Variants in CD58 observed in about 807,000 individuals in gnomAD.
CD58 encodes lymphocyte function-associated antigen 3.
Under a neutral mutation model 27.6 loss-of-function variants are expected in CD58, and 14 were observed. The observed-to-expected ratio is 0.51, with a 90% CI of 0.34 to 0.79. The LOEUF (loss-of-function observed/expected upper bound fraction) is 0.79. Among genes scored for constraint, CD58 ranks in the 30% least tolerant of loss-of-function variants. CD58 has a pLI of 0.02. For missense variants in CD58, 268 were observed against 301.7 expected (o/e 0.89, Z 0.83); for synonymous variants, 117 against 103.8 (o/e 1.13, Z -0.77).
intron 3 of CD58, among the ~76,000 whole-genome samples, chr1:116,530,833 T>C (rs1657580133): frequency 6.6e-6 from 1 of 152,170 alleles, no homozygotes; most frequent in African/African-American, 2.4e-5. Flanking sequence ...ATTAAGATCA[T>C]TAAGTTCAGC....
intron 1 of CD58, among the ~76,000 whole-genome samples, chr1:116,566,917 T>C (rs904996408): frequency 6.6e-6 from 1 of 151,648 alleles, no homozygotes; most frequent in African/African-American, 2.4e-5. Flanking sequence ...CTTGGGAGGA[T>C]TGCTTGAGCC....
Position 116,516,403 on chromosome 1 carries a change from A to C in CD58, c.744-1581T>G, listed in dbSNP as rs918502903. ...CCTAGAATGCCACCTTAGAGAGGTC[A>C]GTGTTACCTTTCTAGACTCATCATT... On this transcript the variant is annotated intron_variant, in intron 5 of 5. Coordinates refer to ENST00000369489, the MANE Select transcript of CD58 (RefSeq NM_001779.3). This position sits in a 1 kb window ranked among gnomAD's most constrained non-coding sequence, Gnocchi z 6.1. 6.6e-6 allele frequency among the ~76,000 whole-genome samples: 1 copy of C among 152,210 alleles called. No individual in the cohort carries two copies. Among genetic ancestry groups the C allele is most frequent in the African/African-American group, 2.4e-5 (1 of 41,456 alleles).
intron 3 of CD58, among the ~76,000 whole-genome samples, chr1:116,529,499 C>T (rs1657529469): frequency 6.6e-6 from 1 of 152,188 alleles, no homozygotes; most frequent in South Asian, 2.1e-4. Context: ...CATCTTCTTA[C>T]TTTTACTTCC....
chr1:116,554,347 A>T lies in CD58; in HGVS notation c.71-9743T>A, dbSNP rs1016187983. Among the ~76,000 whole-genome samples the T allele has an allele frequency of 3.3e-5, 5 of 152,244 alleles. No homozygotes were observed. The Middle Eastern group carries it at 0.01, about 311-fold the overall frequency. ...TTTGGAAAATTTCTTAATATTAAAA[A>T]TAAAAAGTTATAGAAATATATATGC... On this transcript the variant is annotated intron_variant, in intron 1 of 5. Coordinates refer to ENST00000369489, the MANE Select transcript of CD58 (RefSeq NM_001779.3).
chr1:116,568,171 T>A (rs1334858490), intron 1 of CD58, among the ~76,000 whole-genome samples: 4 of 151,946 alleles, frequency 2.6e-5, no homozygotes, highest in Non-Finnish European at 4.4e-5. Context: ...CAGGAAACAG[T>A]ATTGTATCAA....
intron 2 of CD58, among the ~76,000 whole-genome samples, chr1:116,543,113 C>A (rs911332009): frequency 6.6e-6 from 1 of 152,144 alleles, no homozygotes; most frequent in Non-Finnish European, 1.5e-5. Flanking sequence ...GGCAAAGCAG[C>A]GGACTTAATC....
At chr1:116,533,092 G>A in intron 3 of CD58, 1 of 743,190 alleles carries the variant, frequency 1.3e-6, no homozygotes, top group African/African-American at 1.7e-5. Flanking sequence ...CCCCAGCGAA[G>A]TACAGCACAG....
Position 116,527,002 on chromosome 1 carries a change from T to C in CD58, c.629-5019A>G, listed in dbSNP as rs1443293129. Among the ~76,000 whole-genome samples the C allele has an allele frequency of 6.6e-6, 1 of 152,068 alleles. No individual in the cohort carries two copies. Among genetic ancestry groups the C allele is most frequent in the Non-Finnish European group, 1.5e-5 (1 of 67,990 alleles). On this transcript the variant is annotated intron_variant, in intron 3 of 5. Coordinates refer to ENST00000369489, the MANE Select transcript of CD58 (RefSeq NM_001779.3). The surrounding 1 kb of genome is among the most constrained non-coding windows in gnomAD (Gnocchi z 4.4). The stretch of plus-strand genomic sequence containing the variant: ...CTTGTTCATTGCTGTTATAGAAAAG[T>C]GATTGACTTTTGTATATTAACTTTG...
chr1:116,521,711 A>G lies in CD58; in HGVS notation c.706+195T>C, dbSNP rs1214088029. On this transcript the variant is annotated intron_variant, in intron 4 of 5. Coordinates refer to ENST00000369489, the MANE Select transcript of CD58 (RefSeq NM_001779.3). The surrounding 1 kb of genome is among the most constrained non-coding windows in gnomAD (Gnocchi z 5.6). ...AAAGCTCTCTGTGGCCTAAGGATTC[A>G]TTCTACCTTGAGATAATGTGGATCT... The G allele has an allele frequency of 7.9e-6, 4 of 508,804 alleles. No homozygotes were observed. The highest frequency in any genetic ancestry group is 3.3e-5 in the Admixed American group (1 of 29,906). 31.5% of individuals were successfully genotyped at this position (508,804 alleles called of 1,614,324 possible).
rs1657361946 is a variant in CD58 at position 116,524,318 on chromosome 1, G to T, written c.629-2335C>A. Among the ~76,000 whole-genome samples the T allele has an allele frequency of 6.6e-6, 1 of 152,114 alleles. No homozygotes were observed. The highest frequency in any genetic ancestry group is 1.5e-5 in the Non-Finnish European group (1 of 68,018). ...CGGGTGCTGAAACTGGGAAGTCTGG[G>T]CACACCAGGTAACACTGGTCACTCA... On this transcript the variant is annotated intron_variant, in intron 3 of 5. Transcript: ENST00000369489. This position sits in a 1 kb window ranked among gnomAD's most constrained non-coding sequence, Gnocchi z 4.6.
At chr1:116,568,380 A>G (rs549600796) in intron 1 of CD58, among the ~76,000 whole-genome samples, 8 of 152,344 alleles carry the variant, frequency 5.3e-5, no homozygotes, top group East Asian at 1.9e-4. Flanking sequence ...AAAGTACGCA[A>G]ATGTTCACTG....
In CD58 at chr1:116,515,048, T is replaced by C. The variant is rs934487351; in HGVS notation, c.744-226A>G. Among the ~76,000 whole-genome samples, 4 of 152,208 alleles carry C rather than the reference T, an allele frequency of 2.6e-5. No individual in the cohort carries two copies. The highest frequency in any genetic ancestry group is 9.7e-5 in the African/African-American group (4 of 41,444). Reference sequence around the variant, plus strand: ...ACAGCCTTCAGGATGCTGCACTCAATAGCAGCCCCAAGGCTCCTCCCGCTT... The same window carrying C: ...ACAGCCTTCAGGATGCTGCACTCAACAGCAGCCCCAAGGCTCCTCCCGCTT... On this transcript the variant is annotated intron_variant, in intron 5 of 5. Transcript: ENST00000369489. The surrounding 1 kb of genome is among the most constrained non-coding windows in gnomAD (Gnocchi z 4.6).
At chr1:116,526,885 A>G (rs1238891784) in intron 3 of CD58, among the ~76,000 whole-genome samples, 1 of 152,150 alleles carries the variant, frequency 6.6e-6, no homozygotes, top group African/African-American at 2.4e-5. Flanking sequence ...ATTTTCTCAT[A>G]TAAATCTGGG....
At chr1:116,543,117 C>T (rs1444892879) in intron 2 of CD58, among the ~76,000 whole-genome samples, 1 of 152,148 alleles carries the variant, frequency 6.6e-6, no homozygotes. Context: ...AAGCAGCGGA[C>T]TTAATCTAGC....
chr1:116,545,872 G>C (rs979458677), intron 1 of CD58, among the ~76,000 whole-genome samples: 8 of 152,182 alleles, frequency 5.3e-5, no homozygotes, highest in Non-Finnish European at 1.5e-5. Flanking sequence ...TCTAGGACTT[G>C]TCTCTTGTTA....
At chr1:116,529,631 C>T (rs1453797699) in intron 3 of CD58, among the ~76,000 whole-genome samples, 1 of 152,128 alleles carries the variant, frequency 6.6e-6, no homozygotes, top group African/African-American at 2.4e-5. Context: ...GCCTCAGATT[C>T]CTCCTTTATA....
chr1:116,554,394 A>G (rs1034422120), intron 1 of CD58, among the ~76,000 whole-genome samples: 1 of 152,114 alleles, frequency 6.6e-6, no homozygotes, highest in African/African-American at 2.4e-5. Flanking sequence ...CTTTTTAAAA[A>G]CAATAAAGAG....
rs182119612 is a variant in CD58 at position 116,520,522 on chromosome 1, T to G, written c.707-1255A>C. The stretch of plus-strand genomic sequence containing the variant: ...TATTGAATGACTTTTTTTTTTTTTT[T>G]TAAGTGAAATCAACCAATTGTTTTG... On this transcript the variant is annotated intron_variant, in intron 4 of 5. Coordinates refer to ENST00000369489, the MANE Select transcript of CD58 (RefSeq NM_001779.3). 3.1e-3 allele frequency among the ~76,000 whole-genome samples: 465 copies of G among 152,034 alleles called. 4 individuals carry two copies. The highest frequency in any genetic ancestry group is 0.01 in the African/African-American group (434 of 41,452).
chr1:116,521,801 C>T lies in CD58; in HGVS notation c.706+105G>A, dbSNP rs569257894. 4.3e-4 allele frequency: 335 copies of T among 774,472 alleles called. No individual in the cohort carries two copies. The highest frequency in any genetic ancestry group is 6.7e-4 in the Non-Finnish European group (307 of 461,156). 48.0% of individuals were successfully genotyped at this position (774,472 alleles called of 1,614,324 possible). A position where few individuals can be genotyped will look rare whatever the true frequency, so the allele number is the denominator to read the frequency against. ...AAGCAAAAAAGTTTTTGTTTCTTTT[C>T]AAATGTCTAAAATTTCAAACTTTAT... On this transcript the variant is annotated intron_variant, in intron 4 of 5. Transcript: ENST00000369489. The surrounding 1 kb of genome is among the most constrained non-coding windows in gnomAD (Gnocchi z 5.6).
Sources: allele counts gnomAD v4.1 joint callset (sites outside exome capture counted in the v4.1 genomes callset), GRCh38; gene constraint gnomAD v4.1.1; non-coding constraint Gnocchi (gnomAD v3.1); transcripts MANE v1.5; gene names NCBI Gene and HGNC (gene_info 2026-07-23, HGNC 2026-07-21).